Variants in CHCHD2 observed in about 807,000 individuals in gnomAD.
CHCHD2 encodes the protein coiled-coil-helix-coiled-coil-helix domain-containing protein 2.
A neutral mutation model predicts 17.5 loss-of-function variants in CHCHD2; 17 were observed. The observed-to-expected ratio is 0.97, with a 90% CI of 0.67 to 1.46. The LOEUF (loss-of-function observed/expected upper bound fraction) is 1.46, where lower values mean the gene tolerates loss of function less well. Ranked by LOEUF, CHCHD2 falls within the 40% of genes most tolerant of loss-of-function variation. CHCHD2 has a pLI of 0.00. For synonymous variants in CHCHD2, 63 were observed against 74.3 expected, an observed-to-expected ratio of 0.85 and a Z score of 0.78; for missense variants, 175 against 199.9, an observed-to-expected ratio of 0.88 and a Z score of 0.75.
chr7:56,102,746 A>C, intron 3 of CHCHD2, 121 bp downstream of exon 3: 1 of 1,043,836 alleles, frequency 9.6e-7, no homozygotes, highest in Non-Finnish European at 1.4e-6. Context: ...GTTAGGAGTT[A>C]ATTCTAGAGA....
chr7:56,102,468 G>T (rs922556592), intron 3 of CHCHD2, among the ~76,000 whole-genome samples: 6 of 151,888 alleles, frequency 4.0e-5, no homozygotes, highest in Non-Finnish European at 8.8e-5. Flanking sequence ...CCGGGTTCAA[G>T]CAATTCTCCT....
chr7:56,102,789 C>G, intron 3 of CHCHD2, 78 bp downstream of exon 3: 2 of 1,476,238 alleles, frequency 1.4e-6, no homozygotes, highest in Non-Finnish European at 1.9e-6. Flanking sequence ...ATTTATTAAA[C>G]ACAGATTACC....
intron 1 of CHCHD2, among the ~76,000 whole-genome samples, chr7:56,104,732 C>T (rs530476044): frequency 7.2e-5 from 11 of 152,018 alleles, no homozygotes; most frequent in Middle Eastern, 3.4e-3. Context: ...CTCAGCCTTC[C>T]GAGTAGCTGG....
chr7:56,106,461 G>T lies in CHCHD2; in HGVS notation c.-48C>A, dbSNP rs572601459. On this transcript the variant is annotated 5_prime_UTR_variant, in exon 1 of 4. Coordinates refer to ENST00000395422, the MANE Select transcript of CHCHD2 (RefSeq NM_016139.4). ...CTCCGGACGTGGGACAACCACCGAA[G>T]AGCTAAGCGACTTCTGAGGAGACCG... 3 of 1,590,968 alleles carry T rather than the reference G, an allele frequency of 1.9e-6. No individual in the cohort carries two copies. Among genetic ancestry groups the T allele is most frequent in the Non-Finnish European group, 2.6e-6 (3 of 1,159,664 alleles).
At chr7:56,103,114 A>G in intron 2 of CHCHD2, 103 bp from the exon 3 acceptor site, 2 of 1,122,722 alleles carry the variant, frequency 1.8e-6, no homozygotes, top group Non-Finnish European at 2.6e-6. Context: ...AAATGGAACT[A>G]GCACCAGATG....
chr7:56,104,855 C>G (rs1785355146), intron 1 of CHCHD2, among the ~76,000 whole-genome samples: 1 of 152,090 alleles, frequency 6.6e-6, no homozygotes, highest in African/African-American at 2.4e-5. Flanking sequence ...GGTGATCCAC[C>G]CGCCTCGGAC....
rs1785286098 is a variant in CHCHD2 at position 56,101,599 on chromosome 7, T to C, written c.*252A>G. 2.2e-6 allele frequency: 1 copy of C among 446,910 alleles called. No individual in the cohort carries two copies. The highest frequency in any genetic ancestry group is 4.1e-6 in the Non-Finnish European group (1 of 245,384). The allele number at this position is 446,910 out of a possible 1,614,324, so 27.7% of individuals were successfully genotyped here. A position where few individuals can be genotyped will look rare whatever the true frequency, so the allele number is the denominator to read the frequency against. The stretch of plus-strand genomic sequence containing the variant: ...TGGAAGAAAATGACTTTATTCTAAT[T>C]AACTCACAAAGAATAAAATCATAAC... On this transcript the variant is annotated 3_prime_UTR_variant, in exon 4 of 4. Coordinates refer to ENST00000395422, the MANE Select transcript of CHCHD2 (RefSeq NM_016139.4).
chr7:56,106,269 C>T (rs932417160), intron 1 of CHCHD2, 95 bp downstream of exon 1: 1 of 1,240,816 alleles, frequency 8.1e-7, no homozygotes, highest in Non-Finnish European at 1.1e-6. Flanking sequence ...CGCAGCCGAC[C>T]TTAGTTCACC....
At chr7:56,106,326 C>G (rs1164383516) in intron 1 of CHCHD2, 38 bp downstream of exon 1, 1 of 1,603,968 alleles carries the variant, frequency 6.2e-7, no homozygotes, top group South Asian at 1.1e-5. Context: ...AGAGTCCGGA[C>G]GGCCGCGCTT....
Position 56,101,676 on chromosome 7 carries a change from TAC to T in CHCHD2, c.*173_*174del, listed in dbSNP as rs1231444546. On this transcript the variant is annotated 3_prime_UTR_variant, in exon 4 of 4. Coordinates refer to ENST00000395422, the MANE Select transcript of CHCHD2 (RefSeq NM_016139.4). ...CAAACATTTGCCCAGTCCCAGATTCTACAGAGTAGGGACACCCCCACTTCCAT... is the reference window on the plus strand; with the variant it reads ...CAAACATTTGCCCAGTCCCAGATTCTAGAGTAGGGACACCCCCACTTCCAT... 3 of 585,850 alleles carry T rather than the reference TAC, an allele frequency of 5.1e-6. No homozygotes were observed. Among genetic ancestry groups the T allele is most frequent in the East Asian group, 2.9e-5 (1 of 34,128 alleles). 36.3% of individuals were successfully genotyped at this position (585,850 alleles called of 1,614,324 possible). A position where few individuals can be genotyped will look rare whatever the true frequency, so the allele number is the denominator to read the frequency against.
intron 1 of CHCHD2, 92 bp downstream of exon 1, chr7:56,106,272 A>ATCTC: frequency 8.0e-7 from 1 of 1,249,820 alleles, no homozygotes; most frequent in Admixed American, 2.3e-5. Flanking sequence ...AGCCGACCTT[A>ATCTC]GTTCACCCCC....
intron 1 of CHCHD2, 118 bp from the exon 2 acceptor site, chr7:56,104,593 C>A: frequency 8.6e-7 from 1 of 1,158,834 alleles, no homozygotes; most frequent in South Asian, 1.7e-5. Flanking sequence ...AAATTATTTA[C>A]ATCATTTTCT....
intron 1 of CHCHD2, among the ~76,000 whole-genome samples, chr7:56,105,738 C>A (rs928909745): frequency 6.6e-6 from 1 of 152,162 alleles, no homozygotes; most frequent in African/African-American, 2.4e-5. Flanking sequence ...CTGCAGTTAG[C>A]CATAATTACG....
Position 56,101,809 on chromosome 7 carries a change from T to TA in CHCHD2, c.*41dup, listed in dbSNP as rs1785289547. On this transcript the variant is annotated 3_prime_UTR_variant, in exon 4 of 4. Coordinates refer to ENST00000395422, the MANE Select transcript of CHCHD2 (RefSeq NM_016139.4). ...TATTTTTATACTAAATTAACTTAGT[T>TA]ATGAGAGCTGATTTTCCATCTCTCC... The TA allele has an allele frequency of 6.3e-7, 1 of 1,577,588 alleles. No individual in the cohort carries two copies. Among genetic ancestry groups the TA allele is most frequent in the Non-Finnish European group, 8.7e-7 (1 of 1,150,054 alleles).
intron 1 of CHCHD2, among the ~76,000 whole-genome samples, chr7:56,105,689 G>A (rs1333644171): frequency 6.6e-6 from 1 of 152,190 alleles, no homozygotes; most frequent in African/African-American, 2.4e-5. Context: ...TACTCTGGAG[G>A]CTGACGTGGT....
chr7:56,105,280 T>G (rs2115585030), intron 1 of CHCHD2, among the ~76,000 whole-genome samples: 1 of 152,328 alleles, frequency 6.6e-6, no homozygotes. Context: ...TGCAACAATT[T>G]CCATGTATTC....
chr7:56,105,536 G>A (rs115074419), intron 1 of CHCHD2, among the ~76,000 whole-genome samples: 5,705 of 152,266 alleles, frequency 0.037, 132 homozygotes, highest in African/African-American at 0.057. Flanking sequence ...AGTGATTAGG[G>A]AAGTGGAGGC....
chr7:56,102,789 C>T (rs1342776964), intron 3 of CHCHD2, 78 bp downstream of exon 3: 22 of 1,476,120 alleles, frequency 1.5e-5, no homozygotes, highest in Non-Finnish European at 2.1e-5. Context: ...ATTTATTAAA[C>T]ACAGATTACC....
rs991038834 is a variant in CHCHD2 at position 56,104,415 on chromosome 7, C to T, written c.111G>A (p.Ala37=). The part of the protein sequence containing the change: ...RPAPVAQPPA[A]APPSAVGSSA... ...AAGAGCCAACTGCAGATGGGGGTGC[C>T]GCTGCTGGTGGCTGAGCGACTGGTG... Residue 37 remains alanine, a synonymous_variant, in exon 2 of 4, where the codon GCG becomes GCA. Coordinates refer to ENST00000395422, the MANE Select transcript of CHCHD2 (RefSeq NM_016139.4). The T allele has an allele frequency of 3.7e-6, 6 of 1,610,380 alleles. No individual in the cohort carries two copies. The highest frequency in any genetic ancestry group is 2.2e-5 in the South Asian group (2 of 90,836).
Sources: allele counts gnomAD v4.1 joint callset (sites outside exome capture counted in the v4.1 genomes callset), GRCh38; gene constraint gnomAD v4.1.1; transcripts MANE v1.5; gene names NCBI Gene and HGNC (gene_info 2026-07-23, HGNC 2026-07-21).